The following SLAMF6 variants were observed in gnomAD, a reference collection of about 807,000 sequenced individuals.
The protein encoded by SLAMF6 is SLAM family member 6.
Under a neutral mutation model 38.3 loss-of-function variants are expected in SLAMF6, and 21 were observed. That is an observed-to-expected ratio of 0.55 (90% CI 0.39 to 0.79). SLAMF6 has a LOEUF of 0.79. Ranked by LOEUF, SLAMF6 falls within the 30% of genes least tolerant of loss-of-function variation. The probability of loss-of-function intolerance (pLI) is 0.00; values close to 1 mark genes in which losing one functional copy is unlikely to be tolerated. For synonymous variants in SLAMF6, 152 were observed against 146.3 expected (o/e 1.04, Z -0.28); for missense variants, 341 against 385.3 (o/e 0.89, Z 0.96).
At chr1:160,509,518 G>C (rs989132789) in intron 1 of SLAMF6, among the ~76,000 whole-genome samples, 3 of 152,080 alleles carry the variant, frequency 2.0e-5, no homozygotes, top group African/African-American at 7.2e-5. Flanking sequence ...GTGGGGAGCT[G>C]GGGGAGGGAT....
chr1:160,507,020 C>T (rs1654224612), intron 1 of SLAMF6, among the ~76,000 whole-genome samples: 1 of 151,900 alleles, frequency 6.6e-6, no homozygotes, highest in African/African-American at 2.4e-5. Context: ...TGGCAAAATG[C>T]AAGAAGTAGG....
intron 1 of SLAMF6, among the ~76,000 whole-genome samples, chr1:160,517,099 G>C (rs1654779099): frequency 6.6e-6 from 1 of 152,026 alleles, no homozygotes; most frequent in Admixed American, 6.5e-5. Context: ...GAAAATTTTT[G>C]CAATCTATTC....
At chr1:160,499,267 C>G (rs1400430068) in intron 1 of SLAMF6, among the ~76,000 whole-genome samples, 1 of 152,144 alleles carries the variant, frequency 6.6e-6, no homozygotes, top group African/African-American at 2.4e-5. Flanking sequence ...CAGTTTCAAT[C>G]TTCTGCATAT....
At chr1:160,496,454 C>T in intron 1 of SLAMF6, 61 bp from the exon 2 acceptor site, 1 of 1,518,252 alleles carries the variant, frequency 6.6e-7, no homozygotes, top group Non-Finnish European at 9.0e-7. Flanking sequence ...CCAAGTCCTG[C>T]ACCCTTTCAC....
intron 1 of SLAMF6, among the ~76,000 whole-genome samples, chr1:160,510,932 A>C (rs1319420770): frequency 2.0e-5 from 3 of 152,184 alleles, no homozygotes; most frequent in Non-Finnish European, 4.4e-5. Flanking sequence ...CTGTTCCTAC[A>C]CACTAGCAAT....
At chr1:160,499,397 TG>T (rs1653763839) in intron 1 of SLAMF6, among the ~76,000 whole-genome samples, 1 of 152,178 alleles carries the variant, frequency 6.6e-6, no homozygotes, top group Non-Finnish European at 1.5e-5. Flanking sequence ...CTGAGTTTTT[TG>T]TTCTCTTCCA....
intron 1 of SLAMF6, among the ~76,000 whole-genome samples, chr1:160,516,685 G>C (rs1204393373): frequency 6.6e-6 from 1 of 152,028 alleles, no homozygotes; most frequent in Non-Finnish European, 1.5e-5. Flanking sequence ...GAACAGAATA[G>C]AGAACCCATA....
chr1:160,505,222 T>C (rs1035822516), intron 1 of SLAMF6, among the ~76,000 whole-genome samples: 5 of 152,058 alleles, frequency 3.3e-5, no homozygotes, highest in African/African-American at 1.2e-4. Flanking sequence ...AACAAAATAC[T>C]GAGGAAGGGG....
At position 160,494,917 on chromosome 1, in the gene SLAMF6, A is replaced by G. The variant is rs562310160; in HGVS notation, c.382+1144T>C. Among the ~76,000 whole-genome samples the G allele has an allele frequency of 3.9e-5, 6 of 152,306 alleles. No individual in the cohort carries two copies. In the South Asian group the frequency reaches 1.2e-3, roughly 32 times the overall value. ...TATTTCTATTTCAGCAGCCTCAGGA[A>G]AGTAATACATTGCCCCAGGGTGATT... is the stretch of plus-strand genomic sequence containing the variant. On this transcript the variant is annotated intron_variant, in intron 2 of 7. Coordinates refer to ENST00000368057, the MANE Select transcript of SLAMF6 (RefSeq NM_001184714.2).
intron 1 of SLAMF6, among the ~76,000 whole-genome samples, chr1:160,505,697 C>T (rs918260706): frequency 1.3e-5 from 2 of 152,162 alleles, no homozygotes; most frequent in African/African-American, 4.8e-5. Context: ...GCCACCCTGC[C>T]TGGCCTCAAC....
intron 1 of SLAMF6, among the ~76,000 whole-genome samples, chr1:160,501,927 A>G (rs1260434895): frequency 6.6e-6 from 1 of 152,118 alleles, no homozygotes; most frequent in Non-Finnish European, 1.5e-5. Context: ...AGTTCCCCAC[A>G]GACCCAAAAC....
At chr1:160,512,568 A>G (rs564859194) in intron 1 of SLAMF6, among the ~76,000 whole-genome samples, 2 of 152,318 alleles carry the variant, frequency 1.3e-5, no homozygotes, top group Non-Finnish European at 2.9e-5. Flanking sequence ...GAGACTCCCC[A>G]GCAGGGGTTA....
chr1:160,492,308 G>T (rs903190240), intron 2 of SLAMF6, among the ~76,000 whole-genome samples: 2 of 152,180 alleles, frequency 1.3e-5, no homozygotes, highest in African/African-American at 4.8e-5. Context: ...AGTAGGAGTT[G>T]TGGAGTATCT....
chr1:160,508,871 G>A (rs949069836), intron 1 of SLAMF6, among the ~76,000 whole-genome samples: 1 of 152,082 alleles, frequency 6.6e-6, no homozygotes, highest in African/African-American at 2.4e-5. Context: ...CTCAAAAGAA[G>A]ACATTTATGC....
chr1:160,492,855 C>T (rs1431023621), intron 2 of SLAMF6, among the ~76,000 whole-genome samples: 1 of 152,110 alleles, frequency 6.6e-6, no homozygotes, highest in Admixed American at 6.6e-5. Flanking sequence ...GGTGGCTTTA[C>T]CTTCAACATA....
chr1:160,496,178 T>C lies in SLAMF6; in HGVS notation c.265A>G (p.Thr89Ala), dbSNP rs1320003238. Residue 89 changes from threonine (T) to alanine (A), a missense_variant, in exon 2 of 8, where the codon ACC (threonine) becomes GCC (alanine). By Grantham distance (58) the Thr-to-Ala change is moderately conservative. Transcript: ENST00000368057. ...NPKQGKRLNFTQSYSLQLSNL... is the reference protein window; with the variant it reads ...NPKQGKRLNFAQSYSLQLSNL... ...CTGAGTTGCAGGGAGTAGGACTGGG[T>C]GAAGTTCAGTCGCTTTCCCTGTTTC... 6.2e-7 allele frequency: 1 copy of C among 1,613,938 alleles called. No individual in the cohort carries two copies. Among genetic ancestry groups the C allele is most frequent in the South Asian group, 1.1e-5 (1 of 91,076 alleles).
rs942894061 is a variant in SLAMF6, at chr1:160,491,117, G to T, written c.646+8C>A. 6.2e-7 allele frequency: 1 copy of T among 1,613,098 alleles called. No homozygotes were observed. Among genetic ancestry groups the T allele is most frequent in the Non-Finnish European group, 8.5e-7 (1 of 1,179,844 alleles). On this transcript the variant is annotated splice_region_variant and intron_variant, in intron 3 of 7. Coordinates refer to ENST00000368057, the MANE Select transcript of SLAMF6 (RefSeq NM_001184714.2). ...CTCAAGGCTCTCAGACCTGAGGCAG[G>T]CTGTTACCTTCGCAAAGCTTCTGGG...
chr1:160,492,877 T>C (rs75014803), intron 2 of SLAMF6, among the ~76,000 whole-genome samples: 5,439 of 152,230 alleles, frequency 0.036, 113 homozygotes, highest in Middle Eastern at 0.075. Context: ...GTCCAAAATG[T>C]AACCACTTCT....
intron 1 of SLAMF6, among the ~76,000 whole-genome samples, chr1:160,498,073 A>G (rs1242864534): frequency 6.6e-6 from 1 of 152,052 alleles, no homozygotes. Flanking sequence ...TCCACAGTGA[A>G]AATTTATATT....
Sources: gnomAD v4.1 joint callset for allele counts (sites outside exome capture counted in the v4.1 genomes callset) on GRCh38, gnomAD v4.1.1 for gene constraint, MANE v1.5 for transcripts, NCBI Gene and HGNC (gene_info 2026-07-23, HGNC 2026-07-21) for gene names.